GALNT13: variants seen among roughly 807,000 people sequenced by gnomAD.
GALNT13 encodes UDP-GalNAc:polypeptide N-acetylgalactosaminyltransferase 13.
GALNT13 carries 28 observed loss-of-function variants against 64.2 expected under a neutral mutation model. That is an observed-to-expected ratio of 0.44 (90% CI 0.32 to 0.60). The LOEUF (loss-of-function observed/expected upper bound fraction) is 0.60. Ranked by LOEUF, GALNT13 falls within the 20% of genes least tolerant of loss-of-function variation. The pLI is 0.05. For missense variants in GALNT13, 577 were observed against 669.8 expected, an observed-to-expected ratio of 0.86 and a Z score of 1.53; for synonymous variants, 214 against 224.6, an observed-to-expected ratio of 0.95 and a Z score of 0.42.
At chr2:153,912,134 G>A (rs931799634) in intron 2 of GALNT13, among the ~76,000 whole-genome samples, 1 of 151,962 alleles carries the variant, frequency 6.6e-6, no homozygotes, top group Non-Finnish European at 1.5e-5. Flanking sequence ...TTGTCTGACT[G>A]TATTATTTCA....
At chr2:154,215,552 C>A (rs1687996398) in intron 4 of GALNT13, among the ~76,000 whole-genome samples, 1 of 152,160 alleles carries the variant, frequency 6.6e-6, no homozygotes, top group Non-Finnish European at 1.5e-5. Context: ...AAATGTCTTT[C>A]TTTTCCAGCC....
chr2:153,722,295 C>T, the GALNT13 span, among the ~76,000 whole-genome samples: 11 of 144,006 alleles, frequency 7.6e-5, no homozygotes, highest in South Asian at 2.4e-4. Flanking sequence ...ATCTCTGGGA[C>T]GCATTCAAAG....
the GALNT13 span, among the ~76,000 whole-genome samples, chr2:153,068,800 C>G: frequency 6.6e-6 from 1 of 152,156 alleles, no homozygotes; most frequent in Admixed American, 6.5e-5. Flanking sequence ...TTTGATCTAA[C>G]AGTGGTGCTT....
intron 12 of GALNT13, among the ~76,000 whole-genome samples, chr2:154,450,134 C>CAATCCTTTGCA (rs1198330740): frequency 4.6e-5 from 7 of 151,950 alleles, no homozygotes; most frequent in African/African-American, 1.7e-4. Flanking sequence ...GGGCTTTTTG[C>CAATCCTTTGCA]AAAGGAGCCT....
At chr2:153,537,013 C>T in the GALNT13 span, among the ~76,000 whole-genome samples, 19 of 152,136 alleles carry the variant, frequency 1.2e-4, no homozygotes, top group Non-Finnish European at 2.4e-4. Context: ...GCGAGAACTT[C>T]TTATTGGAGG....
the GALNT13 span, among the ~76,000 whole-genome samples, chr2:153,165,334 T>C: frequency 6.6e-6 from 1 of 152,356 alleles, no homozygotes; most frequent in African/African-American, 2.4e-5. Flanking sequence ...ACACAGTCTA[T>C]GCTCTGTAAA....
the GALNT13 span, among the ~76,000 whole-genome samples, chr2:153,210,128 A>G: frequency 1.3e-5 from 2 of 152,066 alleles, no homozygotes; most frequent in African/African-American, 2.4e-5. Flanking sequence ...CTGTGAATAG[A>G]GACAGTTTTC....
At chr2:153,905,034 A>G (rs1280501183) in intron 2 of GALNT13, among the ~76,000 whole-genome samples, 1 of 151,946 alleles carries the variant, frequency 6.6e-6, no homozygotes, top group Non-Finnish European at 1.5e-5. Context: ...TTATAACACT[A>G]TTTTAACTAT....
chr2:153,245,353 C>T, the GALNT13 span, among the ~76,000 whole-genome samples: 1 of 152,204 alleles, frequency 6.6e-6, no homozygotes, highest in East Asian at 1.9e-4. Flanking sequence ...GAGAGGCCTC[C>T]CAACAGGAGT....
At chr2:154,290,380 C>G (rs1259404462) in intron 8 of GALNT13, among the ~76,000 whole-genome samples, 1 of 152,220 alleles carries the variant, frequency 6.6e-6, no homozygotes, top group Non-Finnish European at 1.5e-5. Context: ...GGCATGCCCA[C>G]TCTCCTGTTA....
the GALNT13 span, among the ~76,000 whole-genome samples, chr2:153,396,776 A>T: frequency 6.6e-6 from 1 of 152,074 alleles, no homozygotes; most frequent in Non-Finnish European, 1.5e-5. Flanking sequence ...AGTCTGGATG[A>T]TGTTTTTGTC....
intron 3 of GALNT13, among the ~76,000 whole-genome samples, chr2:153,972,791 T>C (rs374847468): frequency 1.9e-4 from 29 of 152,236 alleles, no homozygotes; most frequent in African/African-American, 6.5e-4. Context: ...AAGGTATTTC[T>C]TCCTTTAATG....
chr2:153,789,553 C>T, the GALNT13 span, among the ~76,000 whole-genome samples: 12 of 151,984 alleles, frequency 7.9e-5, no homozygotes, highest in African/African-American at 2.7e-4. Context: ...AAGATCAAAC[C>T]AACTCCAAAG....
intron 2 of GALNT13, among the ~76,000 whole-genome samples, chr2:153,940,502 C>A (rs1415974200): frequency 6.6e-6 from 1 of 152,056 alleles, no homozygotes; most frequent in Non-Finnish European, 1.5e-5. Context: ...GGTGATCTAC[C>A]TGCCTCAGCC....
chr2:153,671,389 C>G, the GALNT13 span, among the ~76,000 whole-genome samples: 1 of 152,020 alleles, frequency 6.6e-6, no homozygotes, highest in Non-Finnish European at 1.5e-5. Context: ...AGAGTGGGGG[C>G]CAATATTCAA....
At chr2:154,346,617 A>T (rs1460966298) in intron 9 of GALNT13, among the ~76,000 whole-genome samples, 1 of 152,068 alleles carries the variant, frequency 6.6e-6, no homozygotes, top group East Asian at 1.9e-4. Context: ...GCCTTCTGCC[A>T]TGATTGTGAG....
chr2:154,214,596 TAGTG>T (rs1042184719), intron 4 of GALNT13, among the ~76,000 whole-genome samples: 7 of 152,210 alleles, frequency 4.6e-5, no homozygotes, highest in East Asian at 1.9e-4. Context: ...GTTCTCATGA[TAGTG>T]AGTGAGTTCT....
At chr2:153,842,390 G>A in the GALNT13 span, among the ~76,000 whole-genome samples, 3 of 152,058 alleles carry the variant, frequency 2.0e-5, no homozygotes, top group African/African-American at 7.2e-5. Flanking sequence ...GGTGATTAGG[G>A]AGTATCAAAG....
At chr2:153,162,371 T>C in the GALNT13 span, among the ~76,000 whole-genome samples, 3 of 152,214 alleles carry the variant, frequency 2.0e-5, no homozygotes, top group Non-Finnish European at 4.4e-5. Context: ...TCCTTTGCTT[T>C]TAAAATGAGG....
Sources: gnomAD v4.1 joint callset for allele counts (sites outside exome capture counted in the v4.1 genomes callset) on GRCh38, gnomAD v4.1.1 for gene constraint, MANE v1.5 for transcripts, NCBI Gene and HGNC (gene_info 2026-07-23, HGNC 2026-07-21) for gene names.